FGF14: variants seen among roughly 807,000 people sequenced by gnomAD.
FGF14 encodes the protein fibroblast growth factor homologous factor 4.
A neutral mutation model predicts 25.5 loss-of-function variants in FGF14; 5 were observed. The observed-to-expected ratio is 0.20, with a 90% CI of 0.10 to 0.41. FGF14 has a LOEUF of 0.41. FGF14 is among the 10% of genes least tolerant of loss of function. FGF14 has a pLI of 1.00. For synonymous variants in FGF14, 138 were observed against 118.3 expected, an observed-to-expected ratio of 1.17 and a Z score of -1.08; for missense variants, 222 against 320.1, an observed-to-expected ratio of 0.69 and a Z score of 2.34.
At chr13:101,816,442 CTAACAAATAAGAAAA>C (rs1335227509) in intron 3 of FGF14, among the ~76,000 whole-genome samples, 1 of 151,968 alleles carries the variant, frequency 6.6e-6, no homozygotes, top group Non-Finnish European at 1.5e-5. Flanking sequence ...ATACAATTGG[CTAACAAATAAGAAAA>C]TAGCAACTTA....
intron 1 of FGF14, among the ~76,000 whole-genome samples, chr13:102,161,940 A>G (rs1044835050): frequency 1.3e-5 from 2 of 151,994 alleles, no homozygotes; most frequent in African/African-American, 4.8e-5. Context: ...TTTTATCCTA[A>G]AGGTAAGCAG....
intron 1 of FGF14, among the ~76,000 whole-genome samples, chr13:102,284,494 C>A (rs1280493015): frequency 6.6e-6 from 1 of 151,846 alleles, no homozygotes; most frequent in African/African-American, 2.4e-5. Flanking sequence ...AGTGCAATGA[C>A]CTCTCACATT....
At chr13:102,356,261 T>C (rs959263662) in intron 1 of FGF14, among the ~76,000 whole-genome samples, 1 of 152,224 alleles carries the variant, frequency 6.6e-6, no homozygotes, top group Non-Finnish European at 1.5e-5. Context: ...TTAATACAAT[T>C]CTTTGCTCCT....
chr13:101,893,667 T>A (rs1002718385), intron 1 of FGF14, among the ~76,000 whole-genome samples: 2 of 152,094 alleles, frequency 1.3e-5, no homozygotes, highest in Non-Finnish European at 2.9e-5. Flanking sequence ...AAGTGCCACG[T>A]GATAAGGAAT....
chr13:102,044,148 G>A (rs1321267858), intron 1 of FGF14, among the ~76,000 whole-genome samples: 3 of 152,140 alleles, frequency 2.0e-5, no homozygotes, highest in South Asian at 2.1e-4. Context: ...TCTCACCTGG[G>A]GTCAAGACCC....
At chr13:101,861,772 A>G (rs2044431626) in intron 3 of FGF14, among the ~76,000 whole-genome samples, 1 of 152,042 alleles carries the variant, frequency 6.6e-6, no homozygotes, top group African/African-American at 2.4e-5. Flanking sequence ...ACGCAATGAC[A>G]AATGTTTCGT....
chr13:101,772,773 T>C (rs910519747), intron 3 of FGF14, among the ~76,000 whole-genome samples: 7 of 152,122 alleles, frequency 4.6e-5, no homozygotes, highest in Non-Finnish European at 1.0e-4. Context: ...AAATAAGGAT[T>C]CTCTTTTATT....
At chr13:101,793,481 G>A (rs2040352532) in intron 3 of FGF14, among the ~76,000 whole-genome samples, 1 of 152,024 alleles carries the variant, frequency 6.6e-6, no homozygotes, top group Non-Finnish European at 1.5e-5. Context: ...TTTATGTGTT[G>A]ATGGACACTT....
chr13:102,052,302 G>T (rs1355734683), intron 1 of FGF14, among the ~76,000 whole-genome samples: 1 of 152,034 alleles, frequency 6.6e-6, no homozygotes, highest in East Asian at 1.9e-4. Context: ...GTTAAGAAAA[G>T]AGAGTGATAA....
Position 101,851,237 on chromosome 13 carries a change from T to C in FGF14, c.408+17488A>G, listed in dbSNP as rs1293207211. The stretch of plus-strand genomic sequence containing the variant: ...GCACACAGGCGGATTTACCTAGTTC[T>C]GTGGGATCTGCCATGTGATCATGAC... On this transcript the variant is annotated intron_variant, in intron 3 of 4. Transcript: ENST00000376143. Among the ~76,000 whole-genome samples, 11 of 152,150 alleles carry C rather than the reference T, an allele frequency of 7.2e-5. No individual in the cohort carries two copies. The East Asian group carries it at 2.1e-3, about 30-fold the overall frequency.
chr13:101,912,885 G>A (rs531169158), intron 1 of FGF14, among the ~76,000 whole-genome samples: 99 of 152,192 alleles, frequency 6.5e-4, no homozygotes, highest in African/African-American at 2.3e-3. Flanking sequence ...GGGCAATGAG[G>A]AGAACCCAGT....
chr13:101,715,316 G>T lies in FGF14; in HGVS notation c.*7515C>A. 2.3e-6 allele frequency: 1 copy of T among 426,494 alleles called. No homozygotes were observed. Among genetic ancestry groups the T allele is most frequent in the Non-Finnish European group, 4.2e-6 (1 of 236,312 alleles). 26.4% of individuals were successfully genotyped at this position (426,494 alleles called of 1,614,324 possible). ...AAATTGTCACCTAAAAGCCTAGCTG[G>T]AGTGATACAGGATGGTGACTATCTG... On this transcript the variant is annotated 3_prime_UTR_variant, in exon 5 of 5. Coordinates refer to ENST00000376143, the MANE Select transcript of FGF14 (RefSeq NM_004115.4).
At chr13:101,786,332 T>C (rs1335597252) in intron 3 of FGF14, among the ~76,000 whole-genome samples, 1 of 152,226 alleles carries the variant, frequency 6.6e-6, no homozygotes, top group Non-Finnish European at 1.5e-5. Flanking sequence ...CTGATGATTC[T>C]TGATGATGAA....
chr13:101,987,649 C>T (rs937201921), intron 1 of FGF14, among the ~76,000 whole-genome samples: 13 of 151,988 alleles, frequency 8.6e-5, no homozygotes, highest in Admixed American at 8.5e-4. Flanking sequence ...ATTTCATTTG[C>T]TTTTGTTTTG....
At chr13:101,855,278 CTG>C (rs2044067162) in intron 3 of FGF14, among the ~76,000 whole-genome samples, 2 of 151,966 alleles carry the variant, frequency 1.3e-5, no homozygotes, top group Admixed American at 1.3e-4. Flanking sequence ...CTTCAACTTG[CTG>C]TTCTTACTGT....
intron 1 of FGF14, among the ~76,000 whole-genome samples, chr13:101,985,407 A>C (rs2038517006): frequency 6.6e-6 from 1 of 152,132 alleles, no homozygotes; most frequent in South Asian, 2.1e-4. Context: ...AAAATAAAAA[A>C]ACATAGCACT....
At chr13:101,728,418 T>C (rs555642732) in intron 3 of FGF14, among the ~76,000 whole-genome samples, 12 of 152,240 alleles carry the variant, frequency 7.9e-5, no homozygotes, top group African/African-American at 2.9e-4. Flanking sequence ...GAGTTCTGCA[T>C]CTCCATATAT....
chr13:102,087,824 C>T (rs58033984), intron 1 of FGF14, among the ~76,000 whole-genome samples: 2 of 151,782 alleles, frequency 1.3e-5, no homozygotes, highest in African/African-American at 4.8e-5. Context: ...TGTGCCTTCT[C>T]TGTGTCAGAT....
intron 1 of FGF14, among the ~76,000 whole-genome samples, chr13:102,376,192 A>G (rs1450340908): frequency 1.3e-5 from 2 of 152,104 alleles, no homozygotes; most frequent in African/African-American, 4.8e-5. Context: ...AGTTTTCCCC[A>G]TACTGTTCTC....
Sources: gnomAD v4.1 joint callset for allele counts (sites outside exome capture counted in the v4.1 genomes callset) on GRCh38, gnomAD v4.1.1 for gene constraint, MANE v1.5 for transcripts, NCBI Gene and HGNC (gene_info 2026-07-23, HGNC 2026-07-21) for gene names.